The following PARG variants were observed in gnomAD, a reference collection of about 807,000 sequenced individuals.
PARG encodes the protein mitochondrial poly(ADP-ribose) glycohydrolase.
A neutral mutation model predicts 113.0 loss-of-function variants in PARG; 35 were observed. The ratio of observed to expected loss-of-function variants is 0.31; its 90% CI spans 0.24 to 0.41. PARG has a LOEUF of 0.41. Among genes scored for constraint, PARG ranks in the 10% least tolerant of loss-of-function variants. The pLI is 1.00. For synonymous variants in PARG, 330 were observed against 409.9 expected, an observed-to-expected ratio of 0.81 and a Z score of 2.36; for missense variants, 797 against 1,169.4, an observed-to-expected ratio of 0.68 and a Z score of 4.64.
chr10:49,866,260 G>A (rs1846508283), intron 10 of PARG, among the ~76,000 whole-genome samples: 2 of 151,940 alleles, frequency 1.3e-5, no homozygotes, highest in South Asian at 4.1e-4. Context: ...ATACAAAAAA[G>A]CTCTTAAGGA....
intron 16 of PARG, among the ~76,000 whole-genome samples, chr10:49,823,431 A>G (rs1486278045): frequency 1.3e-5 from 2 of 152,192 alleles, no homozygotes; most frequent in Non-Finnish European, 2.9e-5. Context: ...CCATCAAAGT[A>G]TGTCCTAATT....
chr10:49,935,615 G>C (rs1589014093), intron 1 of PARG, among the ~76,000 whole-genome samples: 1 of 152,168 alleles, frequency 6.6e-6, no homozygotes. Flanking sequence ...AAGAGGTCCT[G>C]ATAAAGGAAT....
At chr10:49,906,601 T>C (rs767933387) in intron 7 of PARG, among the ~76,000 whole-genome samples, 2 of 152,136 alleles carry the variant, frequency 1.3e-5, no homozygotes, top group African/African-American at 4.8e-5. Context: ...AAACCTTGGT[T>C]TTCCATTCTT....
At chr10:49,828,121 A>AAAAAAC (rs1844463616) in intron 16 of PARG, among the ~76,000 whole-genome samples, 2 of 146,978 alleles carry the variant, frequency 1.4e-5, no homozygotes, top group Non-Finnish European at 3.0e-5. Context: ...AAAAAAAAAA[A>AAAAAAC]AGCTCCTTCT....
At chr10:49,858,381 TATAC>T (rs1465227413) in intron 12 of PARG, among the ~76,000 whole-genome samples, 7 of 148,106 alleles carry the variant, frequency 4.7e-5, no homozygotes, top group Non-Finnish European at 7.5e-5. Flanking sequence ...AACTTGTGTA[TATAC>T]ATAGTCATAC....
At chr10:49,897,884 T>C (rs1848168348) in intron 7 of PARG, among the ~76,000 whole-genome samples, 1 of 152,094 alleles carries the variant, frequency 6.6e-6, no homozygotes, top group Non-Finnish European at 1.5e-5. Context: ...CCCAGCTATT[T>C]GGGTGGCTAA....
intron 13 of PARG, among the ~76,000 whole-genome samples, chr10:49,847,946 AT>A (rs1202396341): frequency 6.7e-6 from 1 of 149,744 alleles, no homozygotes; most frequent in African/African-American, 2.5e-5. Context: ...AATTCCATGT[AT>A]TATTCTTACA....
In PARG at chr10:49,866,345, G is replaced by A. The variant is rs545928333; in HGVS notation, c.2069-964C>T. 2.2e-3 allele frequency among the ~76,000 whole-genome samples: 335 copies of A among 152,014 alleles called. 1 individual carries two copies. Among genetic ancestry groups the A allele is most frequent in the African/African-American group, 7.8e-3 (325 of 41,464 alleles). ...AAAGCCTGGCCATCATTTCATTCCT[G>A]TGCACAATTCCACATTTCCTTGTTC... On this transcript the variant is annotated intron_variant, in intron 10 of 17. Transcript: ENST00000616448.
At chr10:49,866,230 T>C (rs1388249721) in intron 10 of PARG, among the ~76,000 whole-genome samples, 1 of 152,100 alleles carries the variant, frequency 6.6e-6, no homozygotes, top group Non-Finnish European at 1.5e-5. Flanking sequence ...AAAAAGGCCA[T>C]GCCATTTCTG....
Position 49,933,700 on chromosome 10 carries a change from A to T in PARG, c.748T>A (p.Cys250Ser). The change falls in exon 3 of 18, where the codon TGT becomes AGT. Residue 250 changes from cysteine (C) to serine (S), a missense_variant. Transcript: ENST00000616448. ...ACCACATCTATCTCATCTTGCTGAC[A>T]ACTTGCACAGTCTTCCCCAGGATCG... ...SCDPGEDCASCQQDEIDVVPE... is the reference protein window; with the variant it reads ...SCDPGEDCASSQQDEIDVVPE... 2 of 1,611,864 alleles carry T rather than the reference A, an allele frequency of 1.2e-6. No individual in the cohort carries two copies. The highest frequency in any genetic ancestry group is 1.7e-6 in the Non-Finnish European group (2 of 1,177,954).
intron 13 of PARG, 47 bp downstream of exon 13, chr10:49,857,259 C>A (rs1554835216): frequency 4.3e-6 from 3 of 705,326 alleles, no homozygotes; most frequent in Non-Finnish European, 7.7e-6. Context: ...GACAGATATT[C>A]ACAGATGGGG....
chr10:49,843,500 G>A, intron 14 of PARG, 54 bp downstream of exon 14: 1 of 1,128,138 alleles, frequency 8.9e-7, no homozygotes, highest in East Asian at 2.6e-5. Context: ...TGAGGGTCAA[G>A]CCCAAATTCC....
chr10:49,838,232 A>G (rs1159198476), intron 15 of PARG, among the ~76,000 whole-genome samples: 1 of 152,088 alleles, frequency 6.6e-6, no homozygotes, highest in Non-Finnish European at 1.5e-5. Context: ...GGAGTTCAAG[A>G]TGAGCCTGAC....
chr10:49,916,659 A>G (rs545089447), intron 6 of PARG, among the ~76,000 whole-genome samples: 36 of 152,260 alleles, frequency 2.4e-4, no homozygotes, highest in African/African-American at 7.9e-4. Flanking sequence ...AATACTATAC[A>G]TCTGGTTTCC....
intron 14 of PARG, 69 bp from the exon 15 acceptor site, chr10:49,842,127 G>A (rs1845273848): frequency 1.9e-6 from 2 of 1,074,046 alleles, no homozygotes; most frequent in Non-Finnish European, 2.8e-6. Flanking sequence ...CCTCTCAGGG[G>A]TCAGGTTGCC....
In PARG at chr10:49,845,395, T is replaced by C. The variant is rs139298953; in HGVS notation, c.2354-1763A>G. On this transcript the variant is annotated intron_variant, in intron 13 of 17. Transcript: ENST00000616448. The stretch of plus-strand genomic sequence containing the variant: ...AGAGAAATGGAACCAGGAGGACATA[T>C]ATATGAAGAGATTTATTGCCAAAAA... 5.1e-3 allele frequency among the ~76,000 whole-genome samples: 775 copies of C among 152,270 alleles called. 3 individuals are homozygous for C. Among genetic ancestry groups the C allele is most frequent in the Middle Eastern group, 0.017 (5 of 294 alleles).
Position 49,819,263 on chromosome 10 carries a change from A to G in PARG, c.*77T>C. On this transcript the variant is annotated 3_prime_UTR_variant, in exon 18 of 18. Coordinates refer to ENST00000616448, the MANE Select transcript of PARG (RefSeq NM_003631.5). ...TACACATTTATATTAACTTAAGTCA[A>G]TTCATATATTACACCTGACAGCTCA... is the stretch of plus-strand genomic sequence containing the variant. The G allele has an allele frequency of 4.3e-6, 5 of 1,165,522 alleles. No homozygotes were observed. In the South Asian group the frequency reaches 4.5e-5, roughly 11 times the overall value. The allele number at this position is 1,165,522 out of a possible 1,614,324, so 72.2% of individuals were successfully genotyped here. A position where few individuals can be genotyped will look rare whatever the true frequency, so the allele number is the denominator to read the frequency against.
At chr10:49,908,090 G>A (rs1836955081) in intron 7 of PARG, among the ~76,000 whole-genome samples, 4 of 152,146 alleles carry the variant, frequency 2.6e-5, no homozygotes. Context: ...TCCAGATAGT[G>A]TTTTGCAAAC....
intron 7 of PARG, among the ~76,000 whole-genome samples, chr10:49,902,796 G>C (rs1554843986): frequency 6.6e-6 from 1 of 152,010 alleles, no homozygotes; most frequent in Non-Finnish European, 1.5e-5. Context: ...TTTAAGACCA[G>C]CTTGGGCAAC....
Sources: allele counts gnomAD v4.1 joint callset (sites outside exome capture counted in the v4.1 genomes callset), GRCh38; gene constraint gnomAD v4.1.1; transcripts MANE v1.5; gene names NCBI Gene and HGNC (gene_info 2026-07-23, HGNC 2026-07-21).